Variants in TMEM106B observed in about 807,000 individuals in gnomAD.
The protein encoded by TMEM106B is transmembrane protein 106B.
In TMEM106B, 15 loss-of-function variants were observed where a neutral mutation model predicts 31.1. That is an observed-to-expected ratio of 0.48 (90% CI 0.32 to 0.74). The LOEUF (loss-of-function observed/expected upper bound fraction) is 0.74, where lower values mean the gene tolerates loss of function less well. TMEM106B is among the 30% of genes least tolerant of loss of function. The pLI is 0.03. For missense variants in TMEM106B, 283 were observed against 327.3 expected, an observed-to-expected ratio of 0.86 and a Z score of 1.04; for synonymous variants, 126 against 112.5, an observed-to-expected ratio of 1.12 and a Z score of -0.76.
chr7:12,228,291 A>T (rs1334791960), intron 4 of TMEM106B, among the ~76,000 whole-genome samples: 2 of 151,746 alleles, frequency 1.3e-5, no homozygotes, highest in African/African-American at 4.8e-5. Flanking sequence ...CCCATATTGC[A>T]TCTTTTCATA....
At chr7:12,228,341 A>G (rs936514698) in intron 4 of TMEM106B, among the ~76,000 whole-genome samples, 3 of 151,818 alleles carry the variant, frequency 2.0e-5, no homozygotes, top group African/African-American at 7.2e-5. Flanking sequence ...GTATACTCAC[A>G]TATTCAGCTT....
chr7:12,230,471 C>T lies in TMEM106B; in HGVS notation c.632+33C>T, dbSNP rs188232679. The stretch of plus-strand genomic sequence containing the variant: ...CTGATTTATAATAACTTTTTATTGT[C>T]AAATAATGAAGTGTATAAAATAAAG... On this transcript the variant is annotated intron_variant, in intron 6 of 7. Transcript: ENST00000396668. 53 of 1,358,690 alleles carry T rather than the reference C, an allele frequency of 3.9e-5. No individual in the cohort carries two copies. In the African/African-American group the frequency reaches 7.0e-4, roughly 18 times the overall value. The allele number at this position is 1,358,690 out of a possible 1,614,324, so 84.2% of individuals were successfully genotyped here.
chr7:12,222,113 A>AT (rs1781800648), intron 3 of TMEM106B, among the ~76,000 whole-genome samples: 1 of 152,144 alleles, frequency 6.6e-6, no homozygotes, highest in Non-Finnish European at 1.5e-5. Context: ...TCAAACATGG[A>AT]TTTTAAAGAG....
intron 5 of TMEM106B, 21 bp downstream of exon 5, chr7:12,229,840 A>G (rs753632037): frequency 1.9e-6 from 3 of 1,585,762 alleles, no homozygotes; most frequent in Non-Finnish European, 2.6e-6. Flanking sequence ...ATCATGAAAT[A>G]CTTTGTAAGA....
At position 12,224,238 on chromosome 7, in the gene TMEM106B, G is replaced by A; in HGVS notation, c.294G>A (p.Val98=). 1.2e-6 allele frequency: 2 copies of A among 1,613,280 alleles called. No individual in the cohort carries two copies. The highest frequency in any genetic ancestry group is 1.7e-6 in the Non-Finnish European group (2 of 1,179,436). The change falls in exon 4 of 8, where the codon GTG becomes GTA. Residue 98 remains valine (V), a synonymous_variant. Transcript: ENST00000396668. ...TTTTCCTTTTCAGAAAGCTGTATGT[G>A]ATGGCTTCTGTGTTTGTCTGTCTAC... is the stretch of plus-strand genomic sequence containing the variant. ...RLRPRRTKLY[V]MASVFVCLLL...
chr7:12,222,668 A>T (rs148041879), intron 3 of TMEM106B, among the ~76,000 whole-genome samples: 2 of 152,286 alleles, frequency 1.3e-5, no homozygotes, highest in East Asian at 3.9e-4. Flanking sequence ...TCCAGTGGGG[A>T]TCACTACCCC....
intron 4 of TMEM106B, among the ~76,000 whole-genome samples, chr7:12,226,856 G>T (rs868518218): frequency 1.3e-5 from 2 of 152,090 alleles, no homozygotes; most frequent in African/African-American, 4.8e-5. Flanking sequence ...ATGCAACTGG[G>T]GAATTGTTGG....
rs1360512618 is a variant in TMEM106B at position 12,237,270 on chromosome 7, G to A, written c.*5295G>A. On this transcript the variant is annotated 3_prime_UTR_variant, in exon 8 of 8. Transcript: ENST00000396668. Reference sequence around the variant, plus strand: ...AAATTTGTATCACTTATGTATTTTGGCTATGCTTTTGAAATTTCCTTAACA... The same window carrying A: ...AAATTTGTATCACTTATGTATTTTGACTATGCTTTTGAAATTTCCTTAACA... 1 of 151,984 alleles carries A rather than the reference G, an allele frequency of 6.6e-6. No individual in the cohort carries two copies. Among genetic ancestry groups the A allele is most frequent in the African/African-American group, 2.4e-5 (1 of 41,410 alleles). The allele number at this position is 151,984 out of a possible 1,614,324, so 9.4% of individuals were successfully genotyped here. A position where few individuals can be genotyped will look rare whatever the true frequency, so the allele number is the denominator to read the frequency against.
chr7:12,228,818 T>C (rs1781957196), intron 4 of TMEM106B, among the ~76,000 whole-genome samples: 1 of 152,094 alleles, frequency 6.6e-6, no homozygotes, highest in South Asian at 2.1e-4. Flanking sequence ...TTTAAAGCAA[T>C]ATTCCATTTT....
intron 3 of TMEM106B, among the ~76,000 whole-genome samples, chr7:12,218,867 A>C (rs1781737042): frequency 6.6e-6 from 1 of 152,190 alleles, no homozygotes; most frequent in Non-Finnish European, 1.5e-5. Context: ...TGGTGACAGC[A>C]GGGACCCCAA....
chr7:12,230,913 ATCAG>A, intron 6 of TMEM106B, 145 bp from the exon 7 acceptor site: 1 of 529,180 alleles, frequency 1.9e-6, no homozygotes, highest in Non-Finnish European at 3.3e-6. Context: ...TCATGAATAT[ATCAG>A]TCATTGTTTG....
intron 1 of TMEM106B, among the ~76,000 whole-genome samples, chr7:12,211,725 G>A (rs977941239): frequency 6.6e-6 from 1 of 152,224 alleles, no homozygotes; most frequent in African/African-American, 2.4e-5. Flanking sequence ...CCGTGGTGCC[G>A]GGATCTTATT....
chr7:12,217,933 G>A (rs1247478720), intron 2 of TMEM106B, among the ~76,000 whole-genome samples: 5 of 152,136 alleles, frequency 3.3e-5, no homozygotes, highest in Non-Finnish European at 7.4e-5. Context: ...ATGGATTGGG[G>A]TGAGACCTGA....
At position 12,238,007 on chromosome 7, in the gene TMEM106B, TGAA is replaced by T. The variant is rs1456821510; in HGVS notation, c.*6034_*6036del. 6.6e-6 allele frequency: 1 copy of T among 152,202 alleles called. No individual in the cohort carries two copies. Among genetic ancestry groups the T allele is most frequent in the Non-Finnish European group, 1.5e-5 (1 of 68,082 alleles). 9.4% of individuals were successfully genotyped at this position (152,202 alleles called of 1,614,324 possible). On this transcript the variant is annotated 3_prime_UTR_variant, in exon 8 of 8. Coordinates refer to ENST00000396668, the MANE Select transcript of TMEM106B (RefSeq NM_001134232.2). Reference sequence around the variant, plus strand: ...CTATGGCAATTTCTTAAGACAACAATGAAGTTTATCACATCTATTGCCTTGTCC... The same window carrying T: ...CTATGGCAATTTCTTAAGACAACAATGTTTATCACATCTATTGCCTTGTCC...
intron 4 of TMEM106B, among the ~76,000 whole-genome samples, chr7:12,228,298 CAT>C (rs1386112347): frequency 2.0e-5 from 3 of 151,754 alleles, no homozygotes; most frequent in South Asian, 2.1e-4. Flanking sequence ...TGCATCTTTT[CAT>C]ATCTTTCTAC....
chr7:12,240,667 G>C lies in TMEM106B; in HGVS notation c.*8692G>C, dbSNP rs567037771. Reference sequence around the variant, plus strand: ...AGAAGAATCATTAATAAGTTTGTGAGGCTTTTTTTTTTTTTCTGGTAGATT... The same window carrying C: ...AGAAGAATCATTAATAAGTTTGTGACGCTTTTTTTTTTTTTCTGGTAGATT... On this transcript the variant is annotated 3_prime_UTR_variant, in exon 8 of 8. Transcript: ENST00000396668. 2.0e-5 allele frequency: 3 copies of C among 148,276 alleles called. No homozygotes were observed. In the East Asian group the frequency reaches 5.8e-4, roughly 29 times the overall value. The allele number at this position is 148,276 out of a possible 1,614,324, so 9.2% of individuals were successfully genotyped here.
chr7:12,215,540 G>A (rs1161069605), intron 2 of TMEM106B: 4 of 239,100 alleles, frequency 1.7e-5, no homozygotes, highest in Admixed American at 1.3e-4. Context: ...CCCAGCCAGA[G>A]TTAATGTGTA....
In TMEM106B at chr7:12,229,817, CAAGT is replaced by C; in HGVS notation, c.582+2_582+5del. 1 of 1,600,478 alleles carries C rather than the reference CAAGT, an allele frequency of 6.2e-7. No homozygotes were observed. The highest frequency in any genetic ancestry group is 1.1e-5 in the South Asian group (1 of 88,094). The stretch of plus-strand genomic sequence containing the variant: ...CATTATTGGTCCACTTGATATGAAA[CAAGT>C]AAGAATCAATCATGAAATACTTTGT... On this transcript the variant is annotated splice_donor_variant and coding_sequence_variant, in exon 5 of 8. Transcript: ENST00000396668. LOFTEE classifies it high-confidence loss of function.
At chr7:12,227,933 G>C (rs4721061) in intron 4 of TMEM106B, among the ~76,000 whole-genome samples, 76,368 of 151,286 alleles carry the variant, frequency 0.5, 20,368 homozygotes, top group African/African-American at 0.66. Context: ...ACTGTGGACA[G>C]TACAGAAAAA....
Sources: allele counts gnomAD v4.1 joint callset (sites outside exome capture counted in the v4.1 genomes callset), GRCh38; gene constraint gnomAD v4.1.1; transcripts MANE v1.5; gene names NCBI Gene and HGNC (gene_info 2026-07-23, HGNC 2026-07-21).